Variants in S100A13 observed in about 807,000 individuals in gnomAD.
S100A13 encodes the protein S100 calcium binding protein A13.
Under a neutral mutation model 8.2 loss-of-function variants are expected in S100A13, and 6 were observed. The observed-to-expected ratio is 0.73, with a 90% CI of 0.40 to 1.44. S100A13 has a LOEUF of 1.44. S100A13 is among the 40% of genes most tolerant of loss of function. S100A13 has a pLI of 0.02. For missense variants in S100A13, 114 were observed against 113.6 expected (o/e 1.00, Z -0.02); for synonymous variants, 39 against 45.9 (o/e 0.85, Z 0.61).
At chr1:153,621,092 T>G (rs1367471605) in intron 2 of S100A13, among the ~76,000 whole-genome samples, 1 of 151,772 alleles carries the variant, frequency 6.6e-6, no homozygotes, top group Non-Finnish European at 1.5e-5. Context: ...AAAGGCTCAA[T>G]CAGCTAAAAA....
intron 2 of S100A13, among the ~76,000 whole-genome samples, chr1:153,620,622 G>T (rs1667181868): frequency 6.6e-6 from 1 of 152,076 alleles, no homozygotes; most frequent in African/African-American, 2.4e-5. Flanking sequence ...CTTAAATTTT[G>T]CCCCATGCTA....
chr1:153,628,037 TAA>T, upstream of S100A13: 1 of 1,550,082 alleles, frequency 6.5e-7, no homozygotes, highest in Non-Finnish European at 8.7e-7. Flanking sequence ...CTCCCAAGAC[TAA>T]GTTTCTCACT....
upstream of S100A13, chr1:153,631,249 G>C (rs541429691): frequency 1.7e-6 from 1 of 572,450 alleles, no homozygotes; most frequent in Middle Eastern, 4.7e-4. Context: ...GGATACGGTA[G>C]AAAGTGCACC....
chr1:153,628,617 G>A (rs865822557), upstream of S100A13: 4 of 1,447,706 alleles, frequency 2.8e-6, no homozygotes, highest in Middle Eastern at 6.7e-4. Flanking sequence ...TCTGGGAGGA[G>A]TCAGTCAGGG....
chr1:153,628,136 C>T (rs1288821494), upstream of S100A13: 13 of 1,550,494 alleles, frequency 8.4e-6, no homozygotes, highest in East Asian at 1.2e-4. Flanking sequence ...TCAACCAGCA[C>T]AGCCAGCCAC....
chr1:153,628,463 C>T, upstream of S100A13: 2 of 1,550,762 alleles, frequency 1.3e-6, no homozygotes, highest in Non-Finnish European at 1.7e-6. Context: ...GCCATCTGTC[C>T]AGAACCTGCT....
intron 2 of S100A13, among the ~76,000 whole-genome samples, chr1:153,619,373 A>G (rs1667091946): frequency 6.6e-6 from 1 of 152,116 alleles, no homozygotes; most frequent in South Asian, 2.1e-4. Context: ...CCAGCACACC[A>G]CTGCAGCTGC....
chr1:153,633,937 C>A (rs1198352868), upstream of S100A13: 1 of 152,286 alleles, frequency 6.6e-6, no homozygotes, highest in African/African-American at 2.4e-5. Flanking sequence ...CCCGCCTTCG[C>A]CCTAAGGCTC....
At chr1:153,629,353 A>C (rs1667871116), upstream of S100A13, 5 of 152,238 alleles carry the variant, frequency 3.3e-5, no homozygotes, top group Admixed American at 2.6e-4. Context: ...TCAGGTCCGG[A>C]GTTCAGATGA....
chr1:153,619,637 C>A (rs896696517), intron 2 of S100A13, among the ~76,000 whole-genome samples: 1 of 152,122 alleles, frequency 6.6e-6, no homozygotes, highest in Non-Finnish European at 1.5e-5. Context: ...CCTGTGAAAT[C>A]AATGGCAACA....
At chr1:153,626,684 G>A in intron 1 of S100A13, 151 bp from the exon 2 acceptor site, 1 of 506,292 alleles carries the variant, frequency 2.0e-6, no homozygotes, top group Non-Finnish European at 3.5e-6. Context: ...TTGAGCTTGG[G>A]GCAGCAGACC....
upstream of S100A13, chr1:153,629,711 G>C (rs1213749716): frequency 6.6e-6 from 1 of 152,244 alleles, no homozygotes; most frequent in Non-Finnish European, 1.5e-5. Context: ...GCAGTTGCAG[G>C]GACAACGCCT....
chr1:153,626,293 A>G, intron 2 of S100A13, 27 bp downstream of exon 2: 2 of 1,609,906 alleles, frequency 1.2e-6, no homozygotes, highest in Non-Finnish European at 1.7e-6. Context: ...TCATCTCACA[A>G]AATCTCAGTC....
At chr1:153,619,345 C>T (rs1667088872) in intron 2 of S100A13, among the ~76,000 whole-genome samples, 1 of 152,200 alleles carries the variant, frequency 6.6e-6, no homozygotes, top group Admixed American at 6.5e-5. Flanking sequence ...GGAAAGAAAT[C>T]CACACAATCT....
At chr1:153,626,717 G>C in intron 1 of S100A13, 184 bp from the exon 2 acceptor site, 2 of 453,558 alleles carry the variant, frequency 4.4e-6, no homozygotes, top group East Asian at 6.8e-5. Flanking sequence ...CTCAGTTTTG[G>C]TGGGGGCAGG....
chr1:153,619,836 C>A (rs1170119319), intron 2 of S100A13, among the ~76,000 whole-genome samples: 4 of 152,168 alleles, frequency 2.6e-5, no homozygotes, highest in African/African-American at 9.7e-5. Flanking sequence ...GGGAACAAAG[C>A]TGATTCACAG....
upstream of S100A13, chr1:153,634,017 T>G (rs72711036): frequency 5.9e-5 from 9 of 152,612 alleles, no homozygotes; most frequent in Non-Finnish European, 8.8e-5. Flanking sequence ...ATCTGACGCC[T>G]GACGTAATTG....
intron 2 of S100A13, among the ~76,000 whole-genome samples, chr1:153,623,385 CCT>C (rs764819011): frequency 9.3e-5 from 14 of 150,962 alleles, no homozygotes; most frequent in Admixed American, 3.3e-4. Context: ...ATTTTCGTTT[CCT>C]TTTTTTTTTT....
upstream of S100A13, chr1:153,628,369 G>A (rs1571297389): frequency 3.2e-6 from 5 of 1,545,068 alleles, no homozygotes; most frequent in Admixed American, 9.8e-5. Flanking sequence ...GTGAAGGGGT[G>A]GAGTCGGTGG....
Sources: gnomAD v4.1 joint callset for allele counts (sites outside exome capture counted in the v4.1 genomes callset) on GRCh38, gnomAD v4.1.1 for gene constraint, MANE v1.5 for transcripts, NCBI Gene and HGNC (gene_info 2026-07-23, HGNC 2026-07-21) for gene names.